NOL6: variants seen among roughly 807,000 people sequenced by gnomAD.
NOL6 encodes the protein nucleolar RNA-associated protein.
NOL6 carries 33 observed loss-of-function variants against 131.7 expected under a neutral mutation model. That is an observed-to-expected ratio of 0.25 (90% CI 0.19 to 0.33). The LOEUF (loss-of-function observed/expected upper bound fraction) is 0.33, where lower values mean the gene tolerates loss of function less well. Ranked by LOEUF, NOL6 falls within the 10% of genes least tolerant of loss-of-function variation. The pLI, the probability that NOL6 is intolerant of heterozygous loss-of-function variation, is 1.00. For missense variants in NOL6, 1,297 were observed against 1,494.5 expected, an observed-to-expected ratio of 0.87 and a Z score of 2.18; for synonymous variants, 580 against 605.7, an observed-to-expected ratio of 0.96 and a Z score of 0.62.
At position 33,462,687 on chromosome 9, in the gene NOL6, G is replaced by A. The variant is rs554253286; in HGVS notation, c.3418C>T (p.Arg1140Ter). The change falls in exon 26 of 26, where the codon CGA becomes TGA. Residue 1140 changes from arginine to a stop codon, truncating the protein, a stop_gained. Transcript: ENST00000297990. LOFTEE classifies it high-confidence loss of function. Reference sequence around the variant, plus strand: ...GATCACACAGTCCACCTCTCACTTCGGGCCTCCACAGTCTGCACCAGGCCT... The same window carrying A: ...GATCACACAGTCCACCTCTCACTTCAGGCCTCCACAGTCTGCACCAGGCCT... Reference protein sequence around the residue: ...GEGLVQTVEARSERWTV With the variant: ...GEGLVQTVEA 4 of 1,614,054 alleles carry A rather than the reference G, an allele frequency of 2.5e-6. No homozygotes were observed. Among genetic ancestry groups the A allele is most frequent in the Non-Finnish European group, 3.4e-6 (4 of 1,180,002 alleles).
Position 33,462,301 on chromosome 9 carries a change from C to T in NOL6, c.*363G>A. 1.4e-6 allele frequency: 1 copy of T among 706,048 alleles called. No individual in the cohort carries two copies. Among genetic ancestry groups the T allele is most frequent in the Non-Finnish European group, 2.6e-6 (1 of 380,008 alleles). The allele number at this position is 706,048 out of a possible 1,614,324, so 43.7% of individuals were successfully genotyped here. A position where few individuals can be genotyped will look rare whatever the true frequency, so the allele number is the denominator to read the frequency against. On this transcript the variant is annotated 3_prime_UTR_variant, in exon 26 of 26. Transcript: ENST00000297990. ...GGAGACAGAGCCTCTCCCAGGCACA[C>T]ATCCCCTTCTCTGTTTCTGGAAGAA...
At chr9:33,463,706 T>C (rs972694214) in intron 23 of NOL6, 125 bp downstream of exon 23, 13 of 1,067,514 alleles carry the variant, frequency 1.2e-5, no homozygotes, top group Non-Finnish European at 1.8e-5. Flanking sequence ...CACAGCAGCT[T>C]CAACACCTCC....
intron 20 of NOL6, 41 bp downstream of exon 20, chr9:33,465,166 C>T: frequency 6.4e-7 from 1 of 1,565,192 alleles, no homozygotes; most frequent in East Asian, 2.3e-5. Context: ...TGGCTGGCCG[C>T]AAGGAAACTT....
In NOL6 at chr9:33,472,354, T is replaced by C. The variant is rs779034760; in HGVS notation, c.113A>G (p.Lys38Arg). ...GKEGKKASSR[K>R]RTLAEPPAKG... The stretch of plus-strand genomic sequence containing the variant: ...CGCTGGAGGTTCAGCCAATGTACGC[T>C]TCCTGGAGGATGCTTTCTTCCCCTC... Residue 38 changes from lysine (K) to arginine (R), a missense_variant, in exon 2 of 26, where the codon AAG becomes AGG. By Grantham distance (26) the Lys-to-Arg change is conservative. Transcript: ENST00000297990. The C allele has an allele frequency of 3.1e-6, 5 of 1,614,214 alleles. No individual in the cohort carries two copies. The highest frequency in any genetic ancestry group is 2.2e-5 in the East Asian group (1 of 44,884).
At chr9:33,470,936 C>T (rs959300439) in intron 3 of NOL6, among the ~76,000 whole-genome samples, 4 of 152,004 alleles carry the variant, frequency 2.6e-5, no homozygotes, top group Non-Finnish European at 5.9e-5. Flanking sequence ...ACACAACAGC[C>T]GGAGTAAATT....
intron 1 of NOL6, chr9:33,472,622 C>G: frequency 1.7e-6 from 1 of 589,340 alleles, no homozygotes; most frequent in Non-Finnish European, 3.0e-6. Flanking sequence ...AAGAGCTCTC[C>G]TGTCTACCTG....
Position 33,463,376 on chromosome 9 carries a change from C to G in NOL6, c.3060G>C (p.Pro1020=), listed in dbSNP as rs201694000. 2 of 1,613,956 alleles carry G rather than the reference C, an allele frequency of 1.2e-6. No homozygotes were observed. Among genetic ancestry groups the G allele is most frequent in the Non-Finnish European group, 1.7e-6 (2 of 1,180,002 alleles). ...GCGAGTCCACAGCCTGGCGGTGCCG[C>G]GGGATATGGCGAGGAGACAGGCGAA... ...VLIRLSPRHI[P]RHRQAVDSPA... is the part of the protein sequence containing the mutation. Residue 1020 remains proline (P), a synonymous_variant, in exon 24 of 26, where the codon CCG becomes CCC. Coordinates refer to ENST00000297990, the MANE Select transcript of NOL6 (RefSeq NM_022917.5).
chr9:33,463,131 C>G lies in NOL6; in HGVS notation c.3193G>C (p.Ala1065Pro), dbSNP rs199711524. 29 of 1,612,922 alleles carry G rather than the reference C, an allele frequency of 1.8e-5. No homozygotes were observed. In the East Asian group the frequency reaches 6.2e-4, roughly 35 times the overall value. The change falls in exon 25 of 26, where the codon GCC (alanine) becomes CCC (proline). Residue 1065 changes from alanine (A) to proline (P), a missense_variant. By Grantham distance (27) the Ala-to-Pro change is conservative (BLOSUM62 -1). Transcript: ENST00000297990. ...PQLYLTQLRE[A>P]FGDLALFFYD... ...AAGAAAAGGGCCAGATCCCCAAAGG[C>G]CTCCTAGAAAGGGACAGAACAGAGA... is the stretch of plus-strand genomic sequence containing the variant.
chr9:33,473,762 C>G (rs1202394824), intron 1 of NOL6, 27 bp downstream of exon 1: 1 of 1,611,392 alleles, frequency 6.2e-7, no homozygotes, highest in African/African-American at 1.3e-5. Context: ...CATTGAGCCT[C>G]TGTTCCTCCC....
At position 33,466,892 on chromosome 9, in the gene NOL6, C is replaced by A; in HGVS notation, c.1950+20G>T. 1 of 1,612,184 alleles carries A rather than the reference C, an allele frequency of 6.2e-7. No homozygotes were observed. Among genetic ancestry groups the A allele is most frequent in the Non-Finnish European group, 8.5e-7 (1 of 1,179,144 alleles). ...GATTGATTACTCTACAATCACTAGC[C>A]TTGACCCCAAGACCCTTACCTCTTT... On this transcript the variant is annotated intron_variant, in intron 15 of 25. Coordinates refer to ENST00000297990, the MANE Select transcript of NOL6 (RefSeq NM_022917.5).
At position 33,465,850 on chromosome 9, in the gene NOL6, C is replaced by G. The variant is rs774984088; in HGVS notation, c.2412G>C (p.Gln804His). ...RIRVAYQREP[Q>H]ILKEVQSPEG... is the part of the protein sequence containing the mutation. ...CTGGGCTCTGCACCTCCTTCAGGATCTGGGGCTCCCGCTGATAGGCCACGC... is the reference window on the plus strand; with the variant it reads ...CTGGGCTCTGCACCTCCTTCAGGATGTGGGGCTCCCGCTGATAGGCCACGC... The change falls in exon 19 of 26, where the codon CAG (glutamine) becomes CAC (histidine). Residue 804 changes from glutamine to histidine, a missense_variant. By Grantham distance (24) the Gln-to-His change is conservative (BLOSUM62 0). Coordinates refer to ENST00000297990, the MANE Select transcript of NOL6 (RefSeq NM_022917.5). 2.5e-6 allele frequency: 4 copies of G among 1,614,134 alleles called. No homozygotes were observed. The highest frequency in any genetic ancestry group is 8.5e-7 in the Non-Finnish European group (1 of 1,179,986).
intron 19 of NOL6, 124 bp downstream of exon 19, chr9:33,465,610 G>A: frequency 8.6e-7 from 1 of 1,165,870 alleles, no homozygotes; most frequent in Non-Finnish European, 1.2e-6. Flanking sequence ...GAACCTGCCT[G>A]ACTCCAGAAC....
At chr9:33,466,486 G>C in intron 16 of NOL6, 61 bp from the exon 17 acceptor site, 12 of 1,612,206 alleles carry the variant, frequency 7.4e-6, no homozygotes, top group Non-Finnish European at 1.0e-5. Flanking sequence ...CCAGAGTCAG[G>C]AGTTGGAAGT....
At chr9:33,465,535 TA>T (rs1013843724) in intron 19 of NOL6, among the ~76,000 whole-genome samples, 176 bp from the exon 20 acceptor site, 2 of 152,166 alleles carry the variant, frequency 1.3e-5, no homozygotes, top group African/African-American at 4.8e-5. Context: ...ATGACAAATA[TA>T]GGGACCAAGG....
rs771001452 is a variant in NOL6, at chr9:33,466,958, T to A, written c.1904A>T (p.His635Leu). 1.2e-6 allele frequency: 2 copies of A among 1,614,118 alleles called. No individual in the cohort carries two copies. Among genetic ancestry groups the A allele is most frequent in the South Asian group, 2.2e-5 (2 of 91,068 alleles). Residue 635 changes from histidine to leucine, a missense_variant, in exon 15 of 26, where the codon CAC becomes CTC. Coordinates refer to ENST00000297990, the MANE Select transcript of NOL6 (RefSeq NM_022917.5). ...LHADIPETCVHYVGGPLDALI... is the reference protein window; with the variant it reads ...LHADIPETCVLYVGGPLDALI... ...TGCATCCAGGGGGCCCCCCACATAG[T>A]GGACACAGGTTTCTGGGATGTCAGC...
intron 19 of NOL6, 122 bp downstream of exon 19, chr9:33,465,612 C>T: frequency 1.7e-6 from 2 of 1,190,126 alleles, no homozygotes. Flanking sequence ...ACCTGCCTGA[C>T]TCCAGAACTC....
chr9:33,466,529 G>A lies in NOL6; in HGVS notation c.2091+40C>T, dbSNP rs1253046942. 1.9e-6 allele frequency: 3 copies of A among 1,612,618 alleles called. No homozygotes were observed. The East Asian group carries it at 6.7e-5, about 36-fold the overall frequency. On this transcript the variant is annotated intron_variant, in intron 16 of 25. Transcript: ENST00000297990. ...ACTGGGTGACTGGAGCAGAGGTGGG[G>A]CCACTAAGCAGAAAGGTCACCTGCA...
intron 8 of NOL6, 34 bp downstream of exon 8, chr9:33,468,718 G>A: frequency 6.2e-7 from 1 of 1,613,572 alleles, no homozygotes. Context: ...AGGAGGAGTG[G>A]AGCCCCTGGC....
In NOL6 at chr9:33,462,656, A is replaced by C; in HGVS notation, c.*8T>G. The C allele has an allele frequency of 1.2e-6, 2 of 1,613,852 alleles. No homozygotes were observed. Among genetic ancestry groups the C allele is most frequent in the South Asian group, 2.2e-5 (2 of 91,070 alleles). ...GCTGTCCGTCTACAGCTTGCTCCAG[A>C]GCTGGGATCACACAGTCCACCTCTC... is the stretch of plus-strand genomic sequence containing the variant. On this transcript the variant is annotated 3_prime_UTR_variant, in exon 26 of 26. Coordinates refer to ENST00000297990, the MANE Select transcript of NOL6 (RefSeq NM_022917.5).
Sources: gnomAD v4.1 joint callset for allele counts (sites outside exome capture counted in the v4.1 genomes callset) on GRCh38, gnomAD v4.1.1 for gene constraint, MANE v1.5 for transcripts, NCBI Gene and HGNC (gene_info 2026-07-23, HGNC 2026-07-21) for gene names.